PRDM2: variants seen among roughly 807,000 people sequenced by gnomAD.
PRDM2 encodes the protein PR domain zinc finger protein 2.
In PRDM2, 30 loss-of-function variants were observed where a neutral mutation model predicts 130.0. The observed-to-expected ratio is 0.23, with a 90% confidence interval of 0.17 to 0.31. The LOEUF (loss-of-function observed/expected upper bound fraction) is 0.31, where lower values mean the gene tolerates loss of function less well. Among genes scored for constraint, PRDM2 ranks in the 10% least tolerant of loss-of-function variants. The probability of loss-of-function intolerance (pLI) is 1.00; values close to 1 mark genes in which losing one functional copy is unlikely to be tolerated. For missense variants in PRDM2, 2,011 were observed against 2,108.4 expected, an observed-to-expected ratio of 0.95 and a Z score of 0.90; for synonymous variants, 871 against 782.4, an observed-to-expected ratio of 1.11 and a Z score of -1.89.
At chr1:13,774,058 T>C (rs1031191970) in intron 7 of PRDM2, among the ~76,000 whole-genome samples, 4 of 152,210 alleles carry the variant, frequency 2.6e-5, no homozygotes, top group African/African-American at 4.8e-5. Flanking sequence ...TAAATTCTTA[T>C]TTTGTCTCTT....
Position 13,818,545 on chromosome 1 carries a change from AT to A in PRDM2, c.*23+1989del, listed in dbSNP as rs60773281. Reference sequence around the variant, plus strand: ...AGGCACCCGCCACTACTCCTGGCTAATTTTTTTTTTTTTTGTATTTTAGTAG... The same window carrying A: ...AGGCACCCGCCACTACTCCTGGCTAATTTTTTTTTTTTTGTATTTTAGTAG... On this transcript the variant is annotated intron_variant, in intron 9 of 9. Coordinates refer to ENST00000311066, the MANE Select transcript of PRDM2 (RefSeq NM_001393986.1). 1.5e-3 allele frequency among the ~76,000 whole-genome samples: 219 copies of A among 143,542 alleles called. 1 individual carries two copies. Among genetic ancestry groups the A allele is most frequent in the Non-Finnish European group, 2.5e-3 (167 of 66,026 alleles). 94.2% of individuals were successfully genotyped at this position (143,542 alleles called of 152,430 possible).
intron 8 of PRDM2, among the ~76,000 whole-genome samples, chr1:13,801,356 G>A (rs1368118529): frequency 6.6e-6 from 1 of 152,230 alleles, no homozygotes; most frequent in Non-Finnish European, 1.5e-5. Context: ...AGCGGTCAGT[G>A]GCTATCAGAT....
intron 8 of PRDM2, among the ~76,000 whole-genome samples, chr1:13,810,521 G>C (rs1160032724): frequency 4.7e-5 from 7 of 150,330 alleles, no homozygotes; most frequent in Non-Finnish European, 1.5e-5. Flanking sequence ...TTGAGATGGA[G>C]TCTCACTCTG....
chr1:13,743,438 A>G, intron 5 of PRDM2, among the ~76,000 whole-genome samples: 1 of 149,980 alleles, frequency 6.7e-6, no homozygotes, highest in East Asian at 1.9e-4. Context: ...ACAGATCCTC[A>G]CATTATACAT....
chr1:13,783,577 C>G (rs971940645), intron 8 of PRDM2, among the ~76,000 whole-genome samples: 6 of 152,124 alleles, frequency 3.9e-5, no homozygotes, highest in Admixed American at 6.5e-5. Context: ...AAGGATTTGT[C>G]TTAGATTTGA....
intron 2 of PRDM2, among the ~76,000 whole-genome samples, chr1:13,727,189 A>C (rs1319732596): frequency 6.6e-6 from 1 of 151,984 alleles, no homozygotes; most frequent in Admixed American, 6.6e-5. Context: ...CAATATTGTC[A>C]CAGATTCCCT....
intron 5 of PRDM2, among the ~76,000 whole-genome samples, chr1:13,744,460 C>T (rs72869946): frequency 0.014 from 2,113 of 152,208 alleles, 45 homozygotes; most frequent in African/African-American, 0.048. Flanking sequence ...TTATTTTTCA[C>T]AAGGTGGTAT....
intron 2 of PRDM2, chr1:13,723,001 G>A: frequency 2.7e-6 from 1 of 372,106 alleles, no homozygotes; most frequent in Admixed American, 3.4e-5. Flanking sequence ...ATTGAGTCCA[G>A]CTCTTTGCCC....
At chr1:13,736,169 A>C (rs1643266260) in intron 4 of PRDM2, among the ~76,000 whole-genome samples, 1 of 147,450 alleles carries the variant, frequency 6.8e-6, no homozygotes, top group African/African-American at 2.5e-5. Flanking sequence ...GCTGAAATGC[A>C]GTGGCATGTT....
At chr1:13,748,603 T>C (rs760896082) in intron 5 of PRDM2, among the ~76,000 whole-genome samples, 14 of 152,244 alleles carry the variant, frequency 9.2e-5, no homozygotes, top group Non-Finnish European at 1.8e-4. Flanking sequence ...GTGTGAACTT[T>C]GCACTCAGTG....
chr1:13,721,902 A>G (rs1391064742), intron 2 of PRDM2, among the ~76,000 whole-genome samples: 1 of 152,106 alleles, frequency 6.6e-6, no homozygotes, highest in African/African-American at 2.4e-5. Context: ...TCACTTTCTT[A>G]TCTGTTAAAT....
intron 2 of PRDM2, among the ~76,000 whole-genome samples, chr1:13,730,477 C>T (rs540511792): frequency 2.6e-5 from 4 of 152,208 alleles, no homozygotes; most frequent in Admixed American, 6.5e-5. Flanking sequence ...AATAAGTTGT[C>T]GTGTTTTGGG....
intron 8 of PRDM2, among the ~76,000 whole-genome samples, chr1:13,794,748 T>C (rs551187854): frequency 1.1e-3 from 164 of 152,276 alleles, no homozygotes; most frequent in African/African-American, 3.9e-3. Context: ...TAATCTCAGT[T>C]TGAATCTGAT....
intron 2 of PRDM2, among the ~76,000 whole-genome samples, chr1:13,718,529 A>G (rs1642619251): frequency 6.6e-6 from 1 of 152,156 alleles, no homozygotes; most frequent in Non-Finnish European, 1.5e-5. Flanking sequence ...TCCTAGTGTG[A>G]TAGCTCCCTC....
Position 13,793,836 on chromosome 1 carries a change from C to CA in PRDM2, c.5036+11015dup, listed in dbSNP as rs375889572. On this transcript the variant is annotated intron_variant, in intron 8 of 9. Coordinates refer to ENST00000311066, the MANE Select transcript of PRDM2 (RefSeq NM_001393986.1). ...GAGCTAAAACAAAAGAAAGATATCG[C>CA]AAAAAAAAAAGTTAGTGTTTTAAGA... is the stretch of plus-strand genomic sequence containing the variant. Among the ~76,000 whole-genome samples, 1,091 of 147,118 alleles carry CA rather than the reference C, an allele frequency of 7.4e-3. 9 individuals carry two copies. Among genetic ancestry groups the CA allele is most frequent in the Non-Finnish European group, 0.011 (713 of 66,414 alleles).
At position 13,771,534 on chromosome 1, in the gene PRDM2, A is replaced by G. The variant is rs1231717601; in HGVS notation, c.512-1544A>G. On this transcript the variant is annotated intron_variant, in intron 6 of 9. Transcript: ENST00000311066. This position sits in a 1 kb window ranked among gnomAD's most constrained non-coding sequence, Gnocchi z 4.1. The stretch of plus-strand genomic sequence containing the variant: ...ATCATGAGGTCAGGAGATCGAGACC[A>G]TCCTGGCTAAGATGGTGAAACCCCG... Among the ~76,000 whole-genome samples, 1 of 152,202 alleles carries G rather than the reference A, an allele frequency of 6.6e-6. No homozygotes were observed. The highest frequency in any genetic ancestry group is 1.5e-5 in the Non-Finnish European group (1 of 68,034).
intron 4 of PRDM2, among the ~76,000 whole-genome samples, chr1:13,735,480 A>G (rs60839750): frequency 0.018 from 2,739 of 152,340 alleles, 89 homozygotes; most frequent in African/African-American, 0.063. Context: ...CTTCTAATTA[A>G]CAGAACTTTA....
chr1:13,766,952 T>G (rs756550167), intron 6 of PRDM2, among the ~76,000 whole-genome samples: 24 of 152,258 alleles, frequency 1.6e-4, no homozygotes, highest in Non-Finnish European at 3.1e-4. Context: ...AATTTCCTAC[T>G]GTGTCTGTCC....
chr1:13,764,833 G>T (rs531673045), intron 6 of PRDM2, among the ~76,000 whole-genome samples: 8 of 152,340 alleles, frequency 5.3e-5, no homozygotes, highest in South Asian at 4.1e-4. Context: ...TAAAACCAGA[G>T]AGGTTTTATT....
Sources: gnomAD v4.1 joint callset for allele counts (sites outside exome capture counted in the v4.1 genomes callset) on GRCh38, gnomAD v4.1.1 for gene constraint, Gnocchi (gnomAD v3.1) non-coding constraint, MANE v1.5 for transcripts, NCBI Gene and HGNC (gene_info 2026-07-23, HGNC 2026-07-21) for gene names.